EML4: variants seen among roughly 807,000 people sequenced by gnomAD.
EML4 encodes EMAP like 4, also known as echinoderm microtubule-associated protein-like 4.
A neutral mutation model predicts 129.0 loss-of-function variants in EML4; 72 were observed. The observed-to-expected ratio is 0.56, with a 90% confidence interval of 0.46 to 0.68. The LOEUF (loss-of-function observed/expected upper bound fraction) is 0.68, where lower values mean the gene tolerates loss of function less well. Ranked by LOEUF, EML4 falls within the 30% of genes least tolerant of loss-of-function variation. EML4 has a pLI of 0.00. For synonymous variants in EML4, 532 were observed against 405.0 expected (o/e 1.31, Z -3.77); for missense variants, 1,363 against 1,190.6 (o/e 1.14, Z -2.13).
chr2:42,268,203 G>T (rs1264958973), intron 6 of EML4, among the ~76,000 whole-genome samples: 1 of 152,174 alleles, frequency 6.6e-6, no homozygotes, highest in Non-Finnish European at 1.5e-5. Context: ...AGTTCCATCT[G>T]TGGTGAACAT....
At chr2:42,280,724 A>G (rs896207021) in intron 6 of EML4, 126 bp from the exon 7 acceptor site, 5 of 697,910 alleles carry the variant, frequency 7.2e-6, no homozygotes, top group South Asian at 2.0e-5. Context: ...ACAATTGTAT[A>G]TAATGAGACT....
intron 1 of EML4, among the ~76,000 whole-genome samples, chr2:42,226,280 T>G (rs1673950813): frequency 6.6e-6 from 1 of 152,096 alleles, no homozygotes; most frequent in South Asian, 2.1e-4. Flanking sequence ...GGGGAGATGT[T>G]GGCCAGAAGA....
chr2:42,274,243 G>A (rs1666531081), intron 6 of EML4, among the ~76,000 whole-genome samples: 1 of 152,062 alleles, frequency 6.6e-6, no homozygotes, highest in Non-Finnish European at 1.5e-5. Context: ...TTTGGGGGAG[G>A]CTTTTTAGTT....
At chr2:42,310,130 C>T (rs1198912851) in intron 17 of EML4, among the ~76,000 whole-genome samples, 1 of 152,108 alleles carries the variant, frequency 6.6e-6, no homozygotes, top group Non-Finnish European at 1.5e-5. Context: ...TTTTTGAAAA[C>T]AAATTGGCCA....
chr2:42,230,689 AGCCACC>A (rs1674282904), intron 1 of EML4, among the ~76,000 whole-genome samples: 2 of 152,190 alleles, frequency 1.3e-5, no homozygotes, highest in South Asian at 4.1e-4. Context: ...TACAGGCGTG[AGCCACC>A]GTGCCCAGCC....
chr2:42,286,066 A>T (rs1197356712), intron 9 of EML4: 1 of 619,122 alleles, frequency 1.6e-6, no homozygotes, highest in African/African-American at 1.8e-5. Context: ...TAGTAAATAC[A>T]CAAGTTATTT....
rs529460232 is a variant in EML4 at position 42,181,110 on chromosome 2, T to C, written c.25+11474T>C. 5.9e-5 allele frequency among the ~76,000 whole-genome samples: 9 copies of C among 152,356 alleles called. No homozygotes were observed. The East Asian group carries it at 1.7e-3, about 29-fold the overall frequency. ...TCCATTCTGATCACTTGGTGTCTGC[T>C]AGACTTGCCCACAATTTTACAATTT... On this transcript the variant is annotated intron_variant, in intron 1 of 22. Transcript: ENST00000318522.
intron 14 of EML4, among the ~76,000 whole-genome samples, chr2:42,301,692 T>A (rs1411009802): frequency 6.6e-6 from 1 of 152,084 alleles, no homozygotes; most frequent in Non-Finnish European, 1.5e-5. Flanking sequence ...TATTTTGGAT[T>A]TATGCTTAGT....
chr2:42,193,500 T>TG (rs1671719725), intron 1 of EML4, among the ~76,000 whole-genome samples: 1 of 152,198 alleles, frequency 6.6e-6, no homozygotes, highest in Non-Finnish European at 1.5e-5. Flanking sequence ...AAGTTGCTGT[T>TG]GCAATTTTAT....
Position 42,312,586 on chromosome 2 carries a change from C to T in EML4, c.1968-3376C>T, listed in dbSNP as rs1669021824. On this transcript the variant is annotated intron_variant, in intron 17 of 22. Coordinates refer to ENST00000318522, the MANE Select transcript of EML4 (RefSeq NM_019063.5). ...TTTTTTTTTTTTAGACGGGGTCTTG[C>T]TCTGTCGCCCAGGCTGGAGTGCAGT... Among the ~76,000 whole-genome samples the T allele has an allele frequency of 2.0e-5, 3 of 150,538 alleles. No individual in the cohort carries two copies. The South Asian group carries it at 6.2e-4, about 31-fold the overall frequency.
At chr2:42,244,508 G>A (rs1675259817) in intron 1 of EML4, among the ~76,000 whole-genome samples, 1 of 152,202 alleles carries the variant, frequency 6.6e-6, no homozygotes, top group Non-Finnish European at 1.5e-5. Context: ...GTATAGCTAA[G>A]CCTTATTTGA....
intron 5 of EML4, among the ~76,000 whole-genome samples, chr2:42,263,552 G>A (rs1246205382): frequency 1.3e-5 from 2 of 151,110 alleles, no homozygotes; most frequent in African/African-American, 2.4e-5. Flanking sequence ...CTATAGGCAC[G>A]TGCCACCATG....
At chr2:42,179,695 C>T (rs186164376) in intron 1 of EML4, among the ~76,000 whole-genome samples, 178 of 152,236 alleles carry the variant, frequency 1.2e-3, no homozygotes, top group African/African-American at 4.0e-3. Context: ...CTCTGCCTCC[C>T]GGGTTCAAGC....
chr2:42,321,448 G>A (rs1669518599), intron 19 of EML4, among the ~76,000 whole-genome samples: 1 of 151,954 alleles, frequency 6.6e-6, no homozygotes, highest in Non-Finnish European at 1.5e-5. Flanking sequence ...ATTTAAAAGA[G>A]GCCATCAAGA....
At chr2:42,296,562 C>T (rs143481403) in intron 13 of EML4, among the ~76,000 whole-genome samples, 59 of 152,146 alleles carry the variant, frequency 3.9e-4, no homozygotes, top group African/African-American at 1.3e-3. Context: ...AATCCCTGTT[C>T]GTGTGCTCAG....
At chr2:42,179,276 T>G (rs1670795972) in intron 1 of EML4, among the ~76,000 whole-genome samples, 1 of 151,630 alleles carries the variant, frequency 6.6e-6, no homozygotes, top group South Asian at 2.1e-4. Context: ...TTTTTTTTTT[T>G]TTTAATATTA....
chr2:42,220,402 C>T lies in EML4; in HGVS notation c.26-25103C>T, dbSNP rs563247955. ...TTTTTCACTATTATTATATCTCTTA[C>T]GGTGACCTGTGATCCATTACCTTTG... On this transcript the variant is annotated intron_variant, in intron 1 of 22. Transcript: ENST00000318522. Among the ~76,000 whole-genome samples, 5 of 152,138 alleles carry T rather than the reference C, an allele frequency of 3.3e-5. No homozygotes were observed. In the East Asian group the frequency reaches 7.7e-4, roughly 23 times the overall value.
chr2:42,195,290 T>G (rs1671834492), intron 1 of EML4, among the ~76,000 whole-genome samples: 1 of 152,194 alleles, frequency 6.6e-6, no homozygotes, highest in Non-Finnish European at 1.5e-5. Context: ...ATTAACTAAT[T>G]TTATTTTGTG....
At chr2:42,229,226 A>G (rs773689380) in intron 1 of EML4, among the ~76,000 whole-genome samples, 3 of 152,136 alleles carry the variant, frequency 2.0e-5, no homozygotes, top group African/African-American at 7.2e-5. Context: ...TTGTTTTTAC[A>G]TGCTGTTTAA....
Sources: allele counts gnomAD v4.1 joint callset (sites outside exome capture counted in the v4.1 genomes callset), GRCh38; gene constraint gnomAD v4.1.1; transcripts MANE v1.5; gene names NCBI Gene and HGNC (gene_info 2026-07-23, HGNC 2026-07-21).